Variants in SLC4A10 observed in about 807,000 individuals in gnomAD.
The protein encoded by SLC4A10 is solute carrier family 4 member 10.
In SLC4A10, 42 loss-of-function variants were observed where a neutral mutation model predicts 137.7. That is an observed-to-expected ratio of 0.30 (90% confidence interval 0.24 to 0.39). SLC4A10 has a LOEUF of 0.39. SLC4A10 is among the 10% of genes least tolerant of loss of function. The pLI, the probability that SLC4A10 is intolerant of heterozygous loss-of-function variation, is 1.00. For missense variants in SLC4A10, 925 were observed against 1,355.0 expected, an observed-to-expected ratio of 0.68 and a Z score of 4.98; for synonymous variants, 474 against 464.1, an observed-to-expected ratio of 1.02 and a Z score of -0.27.
chr2:161,625,589 G>T (rs1385961766), intron 1 of SLC4A10, among the ~76,000 whole-genome samples: 1 of 152,024 alleles, frequency 6.6e-6, no homozygotes, highest in South Asian at 2.1e-4. Flanking sequence ...AGGGACTGGC[G>T]GTGAGCTGTC....
At chr2:161,710,074 G>T (rs1287049982) in intron 1 of SLC4A10, among the ~76,000 whole-genome samples, 2 of 151,416 alleles carry the variant, frequency 1.3e-5, no homozygotes, top group East Asian at 1.9e-4. Flanking sequence ...TCAGTTAAGG[G>T]GTTTCTCCTT....
intron 1 of SLC4A10, among the ~76,000 whole-genome samples, chr2:161,657,654 A>T (rs1359864334): frequency 6.6e-6 from 1 of 152,042 alleles, no homozygotes; most frequent in East Asian, 1.9e-4. Context: ...GGTCTTTATG[A>T]TAGATATGAT....
chr2:161,713,204 G>C (rs1000178015), intron 1 of SLC4A10, among the ~76,000 whole-genome samples: 1 of 151,808 alleles, frequency 6.6e-6, no homozygotes, highest in Non-Finnish European at 1.5e-5. Context: ...GACCAGATAA[G>C]TGTAGAATCT....
At chr2:161,848,804 T>A (rs1192026132) in intron 4 of SLC4A10, among the ~76,000 whole-genome samples, 1 of 152,192 alleles carries the variant, frequency 6.6e-6, no homozygotes, top group African/African-American at 2.4e-5. Flanking sequence ...TAGTTTGAAG[T>A]CAGGTAGTGT....
At chr2:161,639,220 C>A (rs1460595045) in intron 1 of SLC4A10, among the ~76,000 whole-genome samples, 1 of 152,088 alleles carries the variant, frequency 6.6e-6, no homozygotes, top group African/African-American at 2.4e-5. Context: ...AAATGCCATT[C>A]TTCTCAAACT....
intron 1 of SLC4A10, among the ~76,000 whole-genome samples, chr2:161,743,663 T>A (rs2048135969): frequency 6.6e-6 from 1 of 152,162 alleles, no homozygotes; most frequent in Non-Finnish European, 1.5e-5. Flanking sequence ...TTTTTTCTAT[T>A]TCTGTGGAGA....
intron 4 of SLC4A10, among the ~76,000 whole-genome samples, chr2:161,849,701 A>G (rs1479115353): frequency 1.3e-5 from 2 of 152,172 alleles, no homozygotes; most frequent in African/African-American, 4.8e-5. Flanking sequence ...AATAAATAAC[A>G]TTTATTGATT....
chr2:161,834,660 T>TACACAC (rs72327926), intron 3 of SLC4A10, among the ~76,000 whole-genome samples: 5,087 of 140,922 alleles, frequency 0.036, 126 homozygotes, highest in African/African-American at 0.069. Flanking sequence ...CTTTATCGCC[T>TACACAC]ACACACACAC....
chr2:161,625,100 TG>T (rs2032031178), intron 1 of SLC4A10, among the ~76,000 whole-genome samples: 1 of 150,238 alleles, frequency 6.7e-6, no homozygotes, highest in Non-Finnish European at 1.5e-5. Context: ...TGTGTGTGTG[TG>T]TGTGTGTGTG....
intron 1 of SLC4A10, among the ~76,000 whole-genome samples, chr2:161,754,151 C>T (rs1226970430): frequency 6.6e-6 from 1 of 151,902 alleles, no homozygotes; most frequent in Non-Finnish European, 1.5e-5. Flanking sequence ...TTATCTGTGC[C>T]TCGGCCTCCC....
chr2:161,933,186 TCTTTCTTTC>T (rs1347288055), intron 15 of SLC4A10, among the ~76,000 whole-genome samples: 478 of 29,180 alleles, frequency 0.016, 12 homozygotes, highest in East Asian at 0.088. Context: ...TTCCTTCTTT[TCTTTCTTTC>T]TTTCTTTCTT....
At chr2:161,879,003 T>C (rs1021995136) in intron 8 of SLC4A10, 128 bp from the exon 9 acceptor site, 5 of 764,426 alleles carry the variant, frequency 6.5e-6, no homozygotes, top group African/African-American at 5.4e-5. Flanking sequence ...AAATGAGATG[T>C]TTAACTGTGT....
At chr2:161,951,451 G>A (rs573012628) in intron 19 of SLC4A10, among the ~76,000 whole-genome samples, 11 of 152,124 alleles carry the variant, frequency 7.2e-5, no homozygotes, top group East Asian at 3.9e-4. Flanking sequence ...GTGAATAATC[G>A]AAATTGTTCA....
At chr2:161,874,062 G>A in intron 8 of SLC4A10, 57 bp downstream of exon 8, 1 of 1,466,416 alleles carries the variant, frequency 6.8e-7, no homozygotes, top group Non-Finnish European at 9.2e-7. Context: ...TTCACTGTAT[G>A]GAGGCATGTG....
chr2:161,983,204 G>A lies in SLC4A10; in HGVS notation c.*52G>A. ...CATTGAAAGCCGAAAAGAGAAGAAA[G>A]CTGACTCAGGGAAAGGTGTTGACAG... On this transcript the variant is annotated 3_prime_UTR_variant, in exon 27 of 27. Transcript: ENST00000446997. The A allele has an allele frequency of 2.0e-6, 3 of 1,536,676 alleles. No homozygotes were observed. In the South Asian group the frequency reaches 3.6e-5, roughly 18 times the overall value.
chr2:161,762,951 A>G (rs1269972511), intron 1 of SLC4A10, among the ~76,000 whole-genome samples: 3 of 152,086 alleles, frequency 2.0e-5, no homozygotes, highest in African/African-American at 7.2e-5. Flanking sequence ...TGTTTTATTT[A>G]TATTAATGAA....
chr2:161,726,286 ATAG>A (rs1399224168), intron 1 of SLC4A10, among the ~76,000 whole-genome samples: 3 of 152,200 alleles, frequency 2.0e-5, no homozygotes, highest in Non-Finnish European at 4.4e-5. Flanking sequence ...CTCTGAAAAC[ATAG>A]TAGAATTAAA....
chr2:161,945,964 A>G (rs1693721957), intron 16 of SLC4A10, among the ~76,000 whole-genome samples: 1 of 152,008 alleles, frequency 6.6e-6, no homozygotes, highest in Non-Finnish European at 1.5e-5. Flanking sequence ...TCCTTTTTCT[A>G]TGTAGCAATT....
chr2:161,959,880 G>A (rs755758040), intron 21 of SLC4A10, among the ~76,000 whole-genome samples: 2 of 152,088 alleles, frequency 1.3e-5, no homozygotes, highest in South Asian at 2.1e-4. Context: ...TTCTTCCCAC[G>A]TATTTCTTTG....
Sources: gnomAD v4.1 joint callset for allele counts (sites outside exome capture counted in the v4.1 genomes callset) on GRCh38, gnomAD v4.1.1 for gene constraint, MANE v1.5 for transcripts, NCBI Gene and HGNC (gene_info 2026-07-23, HGNC 2026-07-21) for gene names.